Variants in PGM3 observed in about 807,000 individuals in gnomAD.
The protein encoded by PGM3 is phosphoacetylglucosamine mutase.
Under a neutral mutation model 66.2 loss-of-function variants are expected in PGM3, and 40 were observed. That is an observed-to-expected ratio of 0.60 (90% CI 0.47 to 0.79). The LOEUF (loss-of-function observed/expected upper bound fraction) is 0.79. Among genes scored for constraint, PGM3 ranks in the 30% least tolerant of loss-of-function variants. PGM3 has a pLI of 0.00. For missense variants in PGM3, 537 were observed against 643.4 expected (o/e 0.83, Z 1.79); for synonymous variants, 191 against 224.2 (o/e 0.85, Z 1.32).
the PGM3 span, chr6:83,153,704 A>G: frequency 8.0e-7 from 1 of 1,250,598 alleles, no homozygotes; most frequent in Non-Finnish European, 1.1e-6. Flanking sequence ...CATTTCTAGA[A>G]TTATCATAAA....
chr6:83,152,211 T>TAC, the PGM3 span: 3,316 of 697,068 alleles, frequency 4.8e-3, 16 homozygotes, highest in African/African-American at 0.017. Context: ...ATAAAAATAA[T>TAC]ACACACACAC....
In PGM3 at chr6:83,174,350, GTC is replaced by G. The variant is rs766216995; in HGVS notation, c.1242+22_1242+23del. 2.6e-6 allele frequency: 3 copies of G among 1,162,860 alleles called. No homozygotes were observed. In the East Asian group the frequency reaches 7.0e-5, roughly 27 times the overall value. 72.0% of individuals were successfully genotyped at this position (1,162,860 alleles called of 1,614,324 possible). On this transcript the variant is annotated intron_variant, in intron 10 of 12. Transcript: ENST00000513973. ...CTGAATAATGTAAAGGTAACCAAGA[GTC>G]CACTGCCCCATCAGTTCTGACCTGG... is the stretch of plus-strand genomic sequence containing the variant.
chr6:83,163,678 C>T (rs2128436719), downstream of PGM3, among the ~76,000 whole-genome samples: 1 of 152,240 alleles, frequency 6.6e-6, no homozygotes, highest in African/African-American at 2.4e-5. Flanking sequence ...TTGCCCTTAA[C>T]ATGAGATATT....
At position 83,182,855 on chromosome 6, in the gene PGM3, A is replaced by G. The variant is rs2128498468; in HGVS notation, c.581T>C (p.Leu194Pro). ...CAATAAACTTTTCACCTGTTTGGTG[A>G]GTTCCACAAAAGCCTTAGAGAGTTT... ...YQKLSKAFVE[L>P]TKQASCSGDE... Residue 194 changes from leucine to proline, a missense_variant, in exon 5 of 13, where the codon CTC (leucine) becomes CCC (proline). Physicochemically the swap from Leu to Pro is moderately conservative, Grantham distance 98. Transcript: ENST00000513973. 1.2e-6 allele frequency: 2 copies of G among 1,613,772 alleles called. No individual in the cohort carries two copies. The highest frequency in any genetic ancestry group is 1.7e-6 in the Non-Finnish European group (2 of 1,179,794).
the PGM3 span, chr6:83,154,296 C>G: frequency 6.6e-7 from 1 of 1,503,896 alleles, no homozygotes; most frequent in East Asian, 2.3e-5. Flanking sequence ...TTCCTTCTTA[C>G]TATTTACTTG....
At chr6:83,181,036 A>C (rs994991201) in intron 6 of PGM3, among the ~76,000 whole-genome samples, 1 of 152,340 alleles carries the variant, frequency 6.6e-6, no homozygotes, top group East Asian at 1.9e-4. Context: ...AGACAAACAC[A>C]CAAATGCAGC....
At chr6:83,164,832 CTT>C (rs1289516596), downstream of PGM3, 2 of 813,528 alleles carry the variant, frequency 2.5e-6, no homozygotes, top group Non-Finnish European at 3.9e-6. Flanking sequence ...GGAAGGAAGT[CTT>C]TTTTCAAGTG....
the PGM3 span, among the ~76,000 whole-genome samples, chr6:83,152,759 G>A: frequency 6.6e-6 from 1 of 151,378 alleles, no homozygotes; most frequent in African/African-American, 2.4e-5. Flanking sequence ...TTGAGACTAC[G>A]GGTGTGTGCC....
At chr6:83,159,335 G>A (rs1218039762), downstream of PGM3, among the ~76,000 whole-genome samples, 1 of 152,078 alleles carries the variant, frequency 6.6e-6, no homozygotes, top group African/African-American at 2.4e-5. Context: ...ATGCAGTGGT[G>A]TGATCCTGGC....
chr6:83,162,242 C>T (rs1329017449), downstream of PGM3, among the ~76,000 whole-genome samples: 4 of 151,884 alleles, frequency 2.6e-5, no homozygotes, highest in South Asian at 2.1e-4. Flanking sequence ...TTCCCATGGT[C>T]GGATATTACT....
Position 83,169,248 on chromosome 6 carries a change from G to A in PGM3, c.1615C>T (p.Gln539Ter). The stretch of plus-strand genomic sequence containing the variant: ...GAAAATTATCTTCAGAAACCTGGTT[G>A]GGGCCTTTCTCCAATTCCTCCAGCC... ...QLAGGIGERP[Q>*]PGF Residue 539 changes from glutamine to a stop codon, truncating the protein, a stop_gained, in exon 13 of 13, where the codon CAA becomes TAA. Transcript: ENST00000513973. LOFTEE classifies it high-confidence loss of function. 1 of 1,613,982 alleles carries A rather than the reference G, an allele frequency of 6.2e-7. No homozygotes were observed. Among genetic ancestry groups the A allele is most frequent in the Non-Finnish European group, 8.5e-7 (1 of 1,179,930 alleles).
At chr6:83,183,049 G>A in intron 4 of PGM3, 71 bp from the exon 5 acceptor site, 2 of 1,398,022 alleles carry the variant, frequency 1.4e-6, no homozygotes, top group Non-Finnish European at 2.0e-6. Context: ...ATGCATTCAT[G>A]TGTAGGAATT....
upstream of PGM3, chr6:83,193,271 T>G (rs537289779): frequency 1.3e-5 from 2 of 152,304 alleles, no homozygotes; most frequent in Admixed American, 6.5e-5. Context: ...ACCGCAGACG[T>G]GGCCCTGCGT....
intron 6 of PGM3, among the ~76,000 whole-genome samples, chr6:83,181,239 GTATT>G (rs1788155238): frequency 6.6e-6 from 1 of 152,186 alleles, no homozygotes; most frequent in Admixed American, 6.5e-5. Flanking sequence ...TTTCCATAGT[GTATT>G]TAATTCAGAT....
At chr6:83,164,697 G>T, downstream of PGM3, 1 of 1,590,674 alleles carries the variant, frequency 6.3e-7, no homozygotes, top group Non-Finnish European at 8.6e-7. Context: ...ATTTTGGAGG[G>T]ATTGGAGATG....
intron 10 of PGM3, among the ~76,000 whole-genome samples, chr6:83,174,005 G>A (rs1302630035): frequency 2.6e-5 from 4 of 151,918 alleles, no homozygotes; most frequent in Admixed American, 2.6e-4. Context: ...CAAAGGGCTG[G>A]GATTACAGGC....
chr6:83,160,147 T>C (rs752317523), downstream of PGM3, among the ~76,000 whole-genome samples: 1 of 152,222 alleles, frequency 6.6e-6, no homozygotes, highest in Non-Finnish European at 1.5e-5. Flanking sequence ...ATTAACAGAC[T>C]ATTCAGTCAA....
the PGM3 span, chr6:83,148,782 A>G: frequency 6.4e-7 from 1 of 1,556,728 alleles, no homozygotes; most frequent in East Asian, 2.4e-5. Context: ...AATTTAGTGG[A>G]TAGCTGGGCG....
At chr6:83,150,515 T>C in the PGM3 span, among the ~76,000 whole-genome samples, 1 of 152,362 alleles carries the variant, frequency 6.6e-6, no homozygotes, top group South Asian at 2.1e-4. Context: ...AGAAACTTTA[T>C]TTCCTTTTAA....
Sources: gnomAD v4.1 joint callset for allele counts (sites outside exome capture counted in the v4.1 genomes callset) on GRCh38, gnomAD v4.1.1 for gene constraint, MANE v1.5 for transcripts, NCBI Gene and HGNC (gene_info 2026-07-23, HGNC 2026-07-21) for gene names.